RPS6KA2: variants seen among roughly 807,000 people sequenced by gnomAD.
RPS6KA2 encodes the protein ribosomal protein S6 kinase alpha-2.
A neutral mutation model predicts 91.8 loss-of-function variants in RPS6KA2; 42 were observed. That is an observed-to-expected ratio of 0.46 (90% CI 0.36 to 0.59). The LOEUF (loss-of-function observed/expected upper bound fraction) is 0.59, where lower values mean the gene tolerates loss of function less well. RPS6KA2 is among the 20% of genes least tolerant of loss of function. The pLI is 0.00. For synonymous variants in RPS6KA2, 414 were observed against 393.6 expected (o/e 1.05, Z -0.61); for missense variants, 798 against 978.5 (o/e 0.82, Z 2.46).
At chr6:166,706,180 A>G (rs1789676006) in intron 2 of RPS6KA2, among the ~76,000 whole-genome samples, 2 of 152,204 alleles carry the variant, frequency 1.3e-5, no homozygotes, top group Non-Finnish European at 2.9e-5. Context: ...ACACACCTGC[A>G]ATAACCAATT....
At chr6:166,474,445 C>T (rs1242976572) in intron 10 of RPS6KA2, among the ~76,000 whole-genome samples, 1 of 152,198 alleles carries the variant, frequency 6.6e-6, no homozygotes, top group Non-Finnish European at 1.5e-5. Context: ...TCCTTTCTAA[C>T]CTTTCCCTCA....
chr6:166,842,689 G>C (rs532604506), intron 2 of RPS6KA2, among the ~76,000 whole-genome samples: 4 of 152,146 alleles, frequency 2.6e-5, no homozygotes, highest in Non-Finnish European at 4.4e-5. Flanking sequence ...TTGTGTCTCC[G>C]GCCAGCTCCG....
chr6:166,609,838 G>A (rs1016386275), intron 1 of RPS6KA2, among the ~76,000 whole-genome samples: 1 of 152,126 alleles, frequency 6.6e-6, no homozygotes, highest in Admixed American at 6.5e-5. Context: ...TTAGTGTCAA[G>A]TATATTTTAT....
intron 2 of RPS6KA2, among the ~76,000 whole-genome samples, chr6:166,634,572 T>G (rs1036480814): frequency 1.3e-5 from 2 of 152,088 alleles, no homozygotes; most frequent in Non-Finnish European, 2.9e-5. Flanking sequence ...AACAAAGACA[T>G]GTGTAAATTA....
chr6:166,749,743 T>TCAGGCCCCCACC (rs1791215478), intron 2 of RPS6KA2, among the ~76,000 whole-genome samples: 1 of 65,108 alleles, frequency 1.5e-5, no homozygotes. Flanking sequence ...TGGGCCCCTC[T>TCAGGCCCCCACC]TCCTCAGGCC....
chr6:166,848,721 G>T (rs915693223), intron 2 of RPS6KA2, among the ~76,000 whole-genome samples: 2 of 151,916 alleles, frequency 1.3e-5, no homozygotes, highest in African/African-American at 4.8e-5. Flanking sequence ...GAAGGCATAA[G>T]AAGGATTCAA....
At chr6:166,636,350 G>A (rs1366824693) in intron 2 of RPS6KA2, among the ~76,000 whole-genome samples, 1 of 151,988 alleles carries the variant, frequency 6.6e-6, no homozygotes, top group Admixed American at 6.6e-5. Flanking sequence ...CCCTGCAGAG[G>A]CCTTTCTGGA....
intron 2 of RPS6KA2, among the ~76,000 whole-genome samples, chr6:166,734,316 C>A (rs1790611719): frequency 6.6e-6 from 1 of 152,202 alleles, no homozygotes; most frequent in African/African-American, 2.4e-5. Context: ...TTGACATCGA[C>A]CCTTTGGAGT....
At chr6:166,680,945 A>T (rs931192308) in intron 2 of RPS6KA2, among the ~76,000 whole-genome samples, 1 of 151,896 alleles carries the variant, frequency 6.6e-6, no homozygotes, top group Non-Finnish European at 1.5e-5. Context: ...CCCATTTTTG[A>T]CTCTGGAAAG....
intron 2 of RPS6KA2, among the ~76,000 whole-genome samples, chr6:166,650,124 G>C (rs932600044): frequency 6.7e-6 from 1 of 148,926 alleles, no homozygotes; most frequent in South Asian, 2.1e-4. Flanking sequence ...TCAGCACCAG[G>C]CTCATTTGTT....
chr6:166,512,819 A>ACG (rs1782517400), intron 3 of RPS6KA2, among the ~76,000 whole-genome samples: 1 of 152,166 alleles, frequency 6.6e-6, no homozygotes, highest in South Asian at 2.1e-4. Flanking sequence ...GCCCGCCCAC[A>ACG]CTGTGCCGCT....
chr6:166,670,096 C>A (rs898311385), intron 2 of RPS6KA2, among the ~76,000 whole-genome samples: 3 of 152,272 alleles, frequency 2.0e-5, no homozygotes, highest in Admixed American at 6.5e-5. Flanking sequence ...GCAGTGCCAA[C>A]ACATTGAATA....
chr6:166,841,840 A>G (rs1780486800), intron 2 of RPS6KA2, among the ~76,000 whole-genome samples: 1 of 152,212 alleles, frequency 6.6e-6, no homozygotes, highest in Non-Finnish European at 1.5e-5. Flanking sequence ...TAGAGGACAG[A>G]GGGTCTGATA....
intron 1 of RPS6KA2, among the ~76,000 whole-genome samples, chr6:166,587,910 C>T (rs962586229): frequency 6.6e-6 from 1 of 152,152 alleles, no homozygotes; most frequent in Non-Finnish European, 1.5e-5. Context: ...TGAGACCCTG[C>T]GCCCTCCTCA....
chr6:166,544,823 T>A (rs1046491865), intron 1 of RPS6KA2: 5 of 152,192 alleles, frequency 3.3e-5, no homozygotes, highest in South Asian at 2.1e-4. Context: ...GCTGCATTTG[T>A]CCAATCAATT....
intron 2 of RPS6KA2, among the ~76,000 whole-genome samples, chr6:166,535,686 G>A (rs890184986): frequency 2.6e-5 from 4 of 152,220 alleles, no homozygotes; most frequent in Admixed American, 2.0e-4. Context: ...GGAACACTGG[G>A]TCTGCACCCC....
Position 166,783,069 on chromosome 6 carries a change from T to G in RPS6KA2, c.123+75131A>C, listed in dbSNP as rs920768449. Among the ~76,000 whole-genome samples the G allele has an allele frequency of 3.0e-3, 411 of 136,594 alleles. 4 individuals are homozygous for G. Among genetic ancestry groups the G allele is most frequent in the African/African-American group, 0.01 (392 of 38,160 alleles). 89.6% of individuals were successfully genotyped at this position (136,594 alleles called of 152,430 possible). A position where few individuals can be genotyped will look rare whatever the true frequency, so the allele number is the denominator to read the frequency against. Reference sequence around the variant, plus strand: ...TTAGGTATTATTATTATTATTATTATTATTATTATTATTATTATTATTATT... The same window carrying G: ...TTAGGTATTATTATTATTATTATTAGTATTATTATTATTATTATTATTATT... On this transcript the variant is annotated intron_variant, in intron 2 of 21. Coordinates refer to the RPS6KA2 transcript ENST00000503859.
chr6:166,841,363 G>A (rs775537959), intron 2 of RPS6KA2, among the ~76,000 whole-genome samples: 6 of 152,268 alleles, frequency 3.9e-5, no homozygotes, highest in East Asian at 1.9e-4. Context: ...GCGCTGACGC[G>A]TGCTTCTTGC....
intron 1 of RPS6KA2, among the ~76,000 whole-genome samples, chr6:166,581,960 G>T (rs1458433344): frequency 1.1e-4 from 13 of 113,700 alleles, no homozygotes; most frequent in East Asian, 1.1e-3. Flanking sequence ...GTGAGATAGG[G>T]TGGGACGCCC....
Sources: gnomAD v4.1 joint callset for allele counts (sites outside exome capture counted in the v4.1 genomes callset) on GRCh38, gnomAD v4.1.1 for gene constraint, MANE v1.5 for transcripts, NCBI Gene and HGNC (gene_info 2026-07-23, HGNC 2026-07-21) for gene names.